Variants in B4GALT6 observed in about 807,000 individuals in gnomAD.
The protein encoded by B4GALT6 is beta-1,4-galactosyltransferase 6.
Under a neutral mutation model 46.3 loss-of-function variants are expected in B4GALT6, and 14 were observed. The observed-to-expected ratio is 0.30, with a 90% CI of 0.20 to 0.47. B4GALT6 has a LOEUF of 0.47. B4GALT6 is among the 20% of genes least tolerant of loss of function. The pLI is 0.99. For synonymous variants in B4GALT6, 168 were observed against 162.0 expected (o/e 1.04, Z -0.28); for missense variants, 386 against 480.1 (o/e 0.80, Z 1.83).
At chr18:31,665,350 C>T (rs536361059) in intron 2 of B4GALT6, among the ~76,000 whole-genome samples, 2 of 152,292 alleles carry the variant, frequency 1.3e-5, no homozygotes, top group South Asian at 4.1e-4. Flanking sequence ...AATCTATTTA[C>T]ATCAATTCTA....
chr18:31,703,725 C>G, the B4GALT6 span, among the ~76,000 whole-genome samples: 2 of 152,156 alleles, frequency 1.3e-5, no homozygotes, highest in Non-Finnish European at 2.9e-5. Context: ...GTCTGGGGAG[C>G]TGTGTGATAC....
chr18:31,712,146 T>G, the B4GALT6 span, among the ~76,000 whole-genome samples: 1 of 152,148 alleles, frequency 6.6e-6, no homozygotes, highest in Non-Finnish European at 1.5e-5. Context: ...TCAATAACAT[T>G]AAAAGTCTGA....
At chr18:31,628,111 C>T (rs1480944640) in intron 6 of B4GALT6, among the ~76,000 whole-genome samples, 1 of 152,200 alleles carries the variant, frequency 6.6e-6, no homozygotes, top group African/African-American at 2.4e-5. Context: ...AAGACTGGTT[C>T]TTTCATGGAA....
chr18:31,652,053 A>G (rs552194333), intron 3 of B4GALT6, among the ~76,000 whole-genome samples: 3 of 152,222 alleles, frequency 2.0e-5, no homozygotes, highest in African/African-American at 7.2e-5. Flanking sequence ...TACAGGCGTG[A>G]GCCACGGCGC....
the B4GALT6 span, among the ~76,000 whole-genome samples, chr18:31,709,492 A>C: frequency 6.7e-6 from 1 of 149,230 alleles, no homozygotes; most frequent in African/African-American, 2.5e-5. Context: ...GTTTCAGAAT[A>C]ACATATGGTA....
At chr18:31,648,096 C>T (rs1307964641) in intron 3 of B4GALT6, among the ~76,000 whole-genome samples, 3 of 152,234 alleles carry the variant, frequency 2.0e-5, no homozygotes, top group African/African-American at 2.4e-5. Flanking sequence ...TTATTTCACT[C>T]GCTGAGATTT....
At chr18:31,638,399 T>C (rs917294897) in intron 5 of B4GALT6, among the ~76,000 whole-genome samples, 6 of 151,834 alleles carry the variant, frequency 4.0e-5, no homozygotes, top group Non-Finnish European at 7.4e-5. Flanking sequence ...TGGTGGCGGG[T>C]GCCTGTAGTC....
chr18:31,671,664 A>T (rs2074359146), intron 1 of B4GALT6, among the ~76,000 whole-genome samples: 1 of 152,256 alleles, frequency 6.6e-6, no homozygotes, highest in South Asian at 2.1e-4. Context: ...AGATTGCAAA[A>T]AATAAAATGT....
At chr18:31,694,190 A>G in the B4GALT6 span, among the ~76,000 whole-genome samples, 2 of 152,226 alleles carry the variant, frequency 1.3e-5, no homozygotes, top group Non-Finnish European at 2.9e-5. Flanking sequence ...TATGTTTCCA[A>G]TATTCTTCAC....
chr18:31,646,660 T>C (rs554981944), intron 3 of B4GALT6, among the ~76,000 whole-genome samples: 1 of 152,326 alleles, frequency 6.6e-6, no homozygotes, highest in Non-Finnish European at 1.5e-5. Context: ...CTGAGTTTCA[T>C]GTGGCCACAA....
At chr18:31,656,113 C>A (rs1361083469) in intron 3 of B4GALT6, among the ~76,000 whole-genome samples, 2 of 152,058 alleles carry the variant, frequency 1.3e-5, no homozygotes, top group Non-Finnish European at 2.9e-5. Flanking sequence ...TTCTGATGTA[C>A]CCCCAAGACT....
chr18:31,626,260 T>A (rs752645733), intron 8 of B4GALT6, 23 bp downstream of exon 8: 12 of 1,352,538 alleles, frequency 8.9e-6, no homozygotes, highest in Admixed American at 5.9e-5. Context: ...AACCTTGGTA[T>A]CTGAAGATGA....
At chr18:31,704,559 C>T in the B4GALT6 span, among the ~76,000 whole-genome samples, 544 of 152,186 alleles carry the variant, frequency 3.6e-3, 1 homozygote, top group Non-Finnish European at 6.0e-3. Context: ...TTTTGTCATA[C>T]CATATTCCAA....
At chr18:31,656,474 T>C (rs899871179) in intron 3 of B4GALT6, among the ~76,000 whole-genome samples, 1 of 151,950 alleles carries the variant, frequency 6.6e-6, no homozygotes, top group Non-Finnish European at 1.5e-5. Context: ...GACAGTACAG[T>C]ATAGTGTTTT....
chr18:31,664,529 CTT>C (rs35854175), intron 2 of B4GALT6, among the ~76,000 whole-genome samples: 119 of 137,830 alleles, frequency 8.6e-4, no homozygotes, highest in Non-Finnish European at 8.8e-4. Flanking sequence ...AAGGATTTTC[CTT>C]TTTTTTTTTT....
intron 1 of B4GALT6, among the ~76,000 whole-genome samples, chr18:31,668,120 AAC>A (rs1295022844): frequency 5.3e-5 from 8 of 152,138 alleles, no homozygotes; most frequent in South Asian, 4.2e-4. Flanking sequence ...AAGAATGAAG[AAC>A]ACAGTCATAA....
chr18:31,630,389 T>C (rs2073771293), intron 6 of B4GALT6, among the ~76,000 whole-genome samples: 1 of 151,266 alleles, frequency 6.6e-6, no homozygotes, highest in African/African-American at 2.4e-5. Context: ...TTTTAAATTA[T>C]CTCCAATTAG....
At chr18:31,671,755 A>G (rs1387340893) in intron 1 of B4GALT6, among the ~76,000 whole-genome samples, 6 of 152,210 alleles carry the variant, frequency 3.9e-5, no homozygotes, top group Non-Finnish European at 8.8e-5. Flanking sequence ...CCCTCATTTC[A>G]TAAAACTAAT....
intron 1 of B4GALT6, among the ~76,000 whole-genome samples, chr18:31,682,159 G>A (rs940739520): frequency 2.6e-5 from 4 of 152,206 alleles, no homozygotes; most frequent in African/African-American, 7.2e-5. Flanking sequence ...ACATTTTCTC[G>A]AAAATGAGCA....
Sources: gnomAD v4.1 joint callset for allele counts (sites outside exome capture counted in the v4.1 genomes callset) on GRCh38, gnomAD v4.1.1 for gene constraint, MANE v1.5 for transcripts, NCBI Gene and HGNC (gene_info 2026-07-23, HGNC 2026-07-21) for gene names.